Variants in ZNF362 observed in about 807,000 individuals in gnomAD.
The protein encoded by ZNF362 is zinc finger protein 362.
ZNF362 carries 11 observed loss-of-function variants against 42.9 expected under a neutral mutation model. The observed-to-expected ratio is 0.26, with a 90% CI of 0.16 to 0.42. The LOEUF (loss-of-function observed/expected upper bound fraction) is 0.42, where lower values mean the gene tolerates loss of function less well. ZNF362 is among the 20% of genes least tolerant of loss of function. The pLI is 1.00. For missense variants in ZNF362, 362 were observed against 576.2 expected (o/e 0.63, Z 3.81); for synonymous variants, 255 against 257.3 (o/e 0.99, Z 0.09).
At chr1:33,209,990 C>CAAAA in the ZNF362 span, among the ~76,000 whole-genome samples, 1 of 151,910 alleles carries the variant, frequency 6.6e-6, no homozygotes, top group East Asian at 1.9e-4. Context: ...GTTTGCTCTT[C>CAAAA]CTTCTCTAGT....
chr1:33,285,468 C>T (rs1646025494), intron 6 of ZNF362, among the ~76,000 whole-genome samples: 1 of 152,072 alleles, frequency 6.6e-6, no homozygotes, highest in Non-Finnish European at 1.5e-5. Flanking sequence ...TCTTCAGGGT[C>T]TTTTAATCCC....
chr1:33,259,238 C>T (rs1041578222), intron 1 of ZNF362, among the ~76,000 whole-genome samples: 15 of 152,296 alleles, frequency 9.8e-5, no homozygotes, highest in Admixed American at 8.5e-4. Flanking sequence ...GCACGGGCCC[C>T]AGGATGGCAG....
chr1:33,291,907 A>G (rs935205054), intron 6 of ZNF362, among the ~76,000 whole-genome samples: 2 of 152,160 alleles, frequency 1.3e-5, no homozygotes, highest in African/African-American at 2.4e-5. Context: ...TGATTTTTGC[A>G]TATTGATTTT....
chr1:33,141,253 TCTC>T, the ZNF362 span, among the ~76,000 whole-genome samples: 1 of 151,674 alleles, frequency 6.6e-6, no homozygotes, highest in African/African-American at 2.4e-5. Context: ...GTGGGACCCT[TCTC>T]CTCTGAGCAC....
the ZNF362 span, among the ~76,000 whole-genome samples, chr1:33,131,342 G>T: frequency 3.3e-5 from 5 of 152,346 alleles, no homozygotes; most frequent in East Asian, 9.6e-4. Context: ...TAACTTGGTT[G>T]CAGAGAAACA....
At chr1:33,215,483 G>A in the ZNF362 span, among the ~76,000 whole-genome samples, 1 of 152,050 alleles carries the variant, frequency 6.6e-6, no homozygotes, top group Non-Finnish European at 1.5e-5. Context: ...GTAATTTATT[G>A]TATATTTAAA....
chr1:33,248,875 G>C, the ZNF362 span, among the ~76,000 whole-genome samples: 1 of 152,094 alleles, frequency 6.6e-6, no homozygotes, highest in African/African-American at 2.4e-5. Flanking sequence ...CTCTTCTCAG[G>C]CTCTCCCATT....
chr1:33,166,444 T>C, the ZNF362 span: 197 of 151,862 alleles, frequency 1.3e-3, no homozygotes, highest in African/African-American at 4.7e-3. Flanking sequence ...AGTCCAATGC[T>C]ACAGACTAGC....
chr1:33,218,932 T>TACACACACACACACAC, the ZNF362 span, among the ~76,000 whole-genome samples: 100 of 121,082 alleles, frequency 8.3e-4, no homozygotes, highest in Non-Finnish European at 5.6e-4. Context: ...GAGCTGGACA[T>TACACACACACACACAC]ACACACACAC....
chr1:33,242,327 G>A, the ZNF362 span, among the ~76,000 whole-genome samples: 1 of 152,104 alleles, frequency 6.6e-6, no homozygotes, highest in Non-Finnish European at 1.5e-5. Context: ...CAGTGACCGT[G>A]GTGTCACAGA....
chr1:33,189,694 TATAC>T, the ZNF362 span, among the ~76,000 whole-genome samples: 1,668 of 10,696 alleles, frequency 0.16, 88 homozygotes, highest in East Asian at 0.33. Context: ...CGTATATATA[TATAC>T]ACATATATAC....
chr1:33,151,565 TC>T, the ZNF362 span, among the ~76,000 whole-genome samples: 6 of 152,090 alleles, frequency 3.9e-5, no homozygotes, highest in Non-Finnish European at 8.8e-5. Context: ...CCTCCATCTG[TC>T]CCTCATCCCC....
At chr1:33,243,620 G>C in the ZNF362 span, among the ~76,000 whole-genome samples, 1 of 149,564 alleles carries the variant, frequency 6.7e-6, no homozygotes, top group Non-Finnish European at 1.5e-5. Context: ...TTTTTTAGAC[G>C]GAGTCTCGCT....
rs1044720230 is a variant in ZNF362 at position 33,300,342 on chromosome 1, C to T, written c.*1296C>T. 1.5e-5 allele frequency: 2 copies of T among 129,272 alleles called. No homozygotes were observed. Among genetic ancestry groups the T allele is most frequent in the East Asian group, 2.7e-4 (1 of 3,658 alleles). The allele number at this position is 129,272 out of a possible 1,614,324, so 8.0% of individuals were successfully genotyped here. ...CACCCCCGGCCCTTTGTTTGACTTG[C>T]GTCGTCTGATACTCAGTATTGTAGC... is the stretch of plus-strand genomic sequence containing the variant. On this transcript the variant is annotated 3_prime_UTR_variant, in exon 9 of 9. Transcript: ENST00000539719.
At chr1:33,250,821 G>A in the ZNF362 span, among the ~76,000 whole-genome samples, 3 of 139,342 alleles carry the variant, frequency 2.2e-5, no homozygotes, top group African/African-American at 5.3e-5. Context: ...AAGAAGAAGA[G>A]AAGAAGAAAA....
chr1:33,278,802 C>T lies in ZNF362; in HGVS notation c.350-1322C>T, dbSNP rs114622598. 5.9e-3 allele frequency among the ~76,000 whole-genome samples: 903 copies of T among 152,286 alleles called. 6 individuals carry two copies. Among genetic ancestry groups the T allele is most frequent in the Middle Eastern group, 0.041 (12 of 294 alleles). On this transcript the variant is annotated intron_variant, in intron 4 of 8. Coordinates refer to ENST00000539719, the MANE Select transcript of ZNF362 (RefSeq NM_152493.3). ...TTCTCTCTGTGTCACTGTATCACAT[C>T]GATCTTGTTTTAGTGGCTGTGCAGT...
At chr1:33,188,428 C>T in the ZNF362 span, among the ~76,000 whole-genome samples, 2 of 152,124 alleles carry the variant, frequency 1.3e-5, no homozygotes, top group African/African-American at 4.8e-5. Flanking sequence ...TGGGGGAATG[C>T]TTTGATGATA....
chr1:33,230,773 C>T, the ZNF362 span, among the ~76,000 whole-genome samples: 1 of 152,192 alleles, frequency 6.6e-6, no homozygotes, highest in Non-Finnish European at 1.5e-5. Context: ...TTTATCCAAA[C>T]AATGGCTGCT....
chr1:33,128,234 C>A, the ZNF362 span, among the ~76,000 whole-genome samples: 1 of 147,624 alleles, frequency 6.8e-6, no homozygotes, highest in Non-Finnish European at 1.5e-5. Flanking sequence ...ATCAGCCAGG[C>A]GTGGTGGCAA....
Sources: allele counts gnomAD v4.1 joint callset (sites outside exome capture counted in the v4.1 genomes callset), GRCh38; gene constraint gnomAD v4.1.1; transcripts MANE v1.5; gene names NCBI Gene and HGNC (gene_info 2026-07-23, HGNC 2026-07-21).